The following ZNF330 variants were observed in gnomAD, a reference collection of about 807,000 sequenced individuals.
ZNF330 encodes the protein zinc finger protein 330.
In ZNF330, 31 loss-of-function variants were observed where a neutral mutation model predicts 45.5. The observed-to-expected ratio is 0.68, with a 90% CI of 0.51 to 0.92. The LOEUF (loss-of-function observed/expected upper bound fraction) is 0.92, where lower values mean the gene tolerates loss of function less well. ZNF330 is among the 40% of genes least tolerant of loss of function. The pLI, the probability that ZNF330 is intolerant of heterozygous loss-of-function variation, is 0.00. For synonymous variants in ZNF330, 138 were observed against 123.2 expected (o/e 1.12, Z -0.79); for missense variants, 356 against 387.4 (o/e 0.92, Z 0.68).
chr4:141,234,094 C>T lies in ZNF330; in HGVS notation c.*105C>T. The T allele has an allele frequency of 6.7e-7, 1 of 1,487,870 alleles. No individual in the cohort carries two copies. The highest frequency in any genetic ancestry group is 1.4e-5 in the South Asian group (1 of 71,134). 92.2% of individuals were successfully genotyped at this position (1,487,870 alleles called of 1,614,324 possible). A position where few individuals can be genotyped will look rare whatever the true frequency, so the allele number is the denominator to read the frequency against. On this transcript the variant is annotated 3_prime_UTR_variant, in exon 10 of 10. Transcript: ENST00000262990. ...AGTACCTTAGCCACTTAGCCTTGTGCAGAAGACTAGTTACACTTAATGGGC... is the reference window on the plus strand; with the variant it reads ...AGTACCTTAGCCACTTAGCCTTGTGTAGAAGACTAGTTACACTTAATGGGC...
Position 141,231,444 on chromosome 4 carries a change from T to C in ZNF330, c.529T>C (p.Ser177Pro). Reference sequence around the variant, plus strand: ...AATTAATCTATTTCCCACAGGTGTTTCATGCAATCGGCTTGGTCAGCACTC... The same window carrying C: ...AATTAATCTATTTCCCACAGGTGTTCCATGCAATCGGCTTGGTCAGCACTC... Reference protein sequence around the residue: ...VLEAETFKCVSCNRLGQHSCL... With the variant: ...VLEAETFKCVPCNRLGQHSCL... Residue 177 changes from serine to proline, a missense_variant, in exon 8 of 10, where the codon TCA (serine) becomes CCA (proline). By Grantham distance (74) the Ser-to-Pro change is moderately conservative. Coordinates refer to ENST00000262990, the MANE Select transcript of ZNF330 (RefSeq NM_014487.6). 1.3e-6 allele frequency: 2 copies of C among 1,597,590 alleles called. No homozygotes were observed. Among genetic ancestry groups the C allele is most frequent in the Non-Finnish European group, 8.5e-7 (1 of 1,174,204 alleles).
At position 141,232,582 on chromosome 4, in the gene ZNF330, C is replaced by T. The variant is rs1356828138; in HGVS notation, c.628C>T (p.Gln210Ter). Residue 210 changes from glutamine (Q) to a stop codon, truncating the protein, a stop_gained, in exon 9 of 10, where the codon CAG (glutamine) becomes TAG (stop). Coordinates refer to ENST00000262990, the MANE Select transcript of ZNF330 (RefSeq NM_014487.6). LOFTEE classifies it high-confidence loss of function. ...SKVFKQEKGK[Q>*]PPCPKCGHET... Reference sequence around the variant, plus strand: ...AGTGTTTAAGCAAGAAAAAGGAAAACAGCCTCCTTGTCCTAAATGTGGGCA... The same window carrying T: ...AGTGTTTAAGCAAGAAAAAGGAAAATAGCCTCCTTGTCCTAAATGTGGGCA... The T allele has an allele frequency of 6.2e-7, 1 of 1,600,276 alleles. No homozygotes were observed. The highest frequency in any genetic ancestry group is 1.3e-5 in the African/African-American group (1 of 74,408).
At chr4:141,233,683 C>G (rs779865949) in intron 9 of ZNF330, 32 bp from the exon 10 acceptor site, 67 of 1,578,918 alleles carry the variant, frequency 4.2e-5, no homozygotes, top group Non-Finnish European at 5.0e-5. Context: ...CTGGAACTAA[C>G]AAAATGCCTT....
At chr4:141,223,696 T>A in intron 2 of ZNF330, 3 of 454,606 alleles carry the variant, frequency 6.6e-6, no homozygotes, top group South Asian at 4.7e-5. Context: ...TCTGAATGAC[T>A]GGCATGCCTA....
At chr4:141,227,799 T>A (rs1728848357) in intron 5 of ZNF330, among the ~76,000 whole-genome samples, 1 of 152,128 alleles carries the variant, frequency 6.6e-6, no homozygotes, top group Non-Finnish European at 1.5e-5. Context: ...TCTTTAAAAC[T>A]TTACATTTCA....
chr4:141,225,380 A>G (rs1197482895), intron 4 of ZNF330, among the ~76,000 whole-genome samples: 2 of 151,990 alleles, frequency 1.3e-5, no homozygotes, highest in Non-Finnish European at 2.9e-5. Flanking sequence ...TACTGCATGC[A>G]TCCTCCTTTC....
In ZNF330 at chr4:141,233,915, G is replaced by C. The variant is rs1729019773; in HGVS notation, c.889G>C (p.Asp297His). ...AAAGGATTCAGATACTGAGTCATCA[G>C]ATTTGTTTACTAATTTGAATTTAGG... Reference protein sequence around the residue: ...GRKDSDTESSDLFTNLNLGRT... With the variant: ...GRKDSDTESSHLFTNLNLGRT... Residue 297 changes from aspartate to histidine, a missense_variant, in exon 10 of 10, where the codon GAT becomes CAT. Asp to His is a moderately conservative substitution (Grantham distance 81). Coordinates refer to ENST00000262990, the MANE Select transcript of ZNF330 (RefSeq NM_014487.6). 1 of 1,613,796 alleles carries C rather than the reference G, an allele frequency of 6.2e-7. No homozygotes were observed. The highest frequency in any genetic ancestry group is 1.3e-5 in the African/African-American group (1 of 75,024).
chr4:141,225,649 A>C lies in ZNF330; in HGVS notation c.211+972A>C, dbSNP rs546538659. Among the ~76,000 whole-genome samples the C allele has an allele frequency of 9.1e-4, 138 of 152,254 alleles. 1 individual carries two copies. The South Asian group carries it at 0.028, about 31-fold the overall frequency. On this transcript the variant is annotated intron_variant, in intron 4 of 9. Coordinates refer to ENST00000262990, the MANE Select transcript of ZNF330 (RefSeq NM_014487.6). ...TAGGGCTATATCCCTGAATATTTCT[A>C]ATGTAGTTCTAGCTTTCAAAGAAGA...
At chr4:141,227,502 T>C (rs1578810324) in intron 5 of ZNF330, among the ~76,000 whole-genome samples, 2 of 152,186 alleles carry the variant, frequency 1.3e-5, no homozygotes, top group South Asian at 4.1e-4. Context: ...TATTCCATGG[T>C]GTATATGTGC....
At chr4:141,224,861 G>A (rs1472629799) in intron 4 of ZNF330, among the ~76,000 whole-genome samples, 184 bp downstream of exon 4, 3 of 152,024 alleles carry the variant, frequency 2.0e-5, no homozygotes, top group East Asian at 1.9e-4. Flanking sequence ...CCTTGGTTTT[G>A]TCTCTTTGAT....
In ZNF330 at chr4:141,234,335, G is replaced by C. The variant is rs575258979; in HGVS notation, c.*346G>C. On this transcript the variant is annotated 3_prime_UTR_variant, in exon 10 of 10. Coordinates refer to ENST00000262990, the MANE Select transcript of ZNF330 (RefSeq NM_014487.6). The stretch of plus-strand genomic sequence containing the variant: ...TATATTTGTTTGAAATTAAATTACT[G>C]TTTTTATTAAAAAATACTGCTTCAT... 1 of 170,128 alleles carries C rather than the reference G, an allele frequency of 5.9e-6. No homozygotes were observed. The highest frequency in any genetic ancestry group is 6.3e-5 in the Admixed American group (1 of 15,956). The allele number at this position is 170,128 out of a possible 1,614,324, so 10.5% of individuals were successfully genotyped here. A position where few individuals can be genotyped will look rare whatever the true frequency, so the allele number is the denominator to read the frequency against.
At chr4:141,229,075 AAAG>A (rs1332017910) in intron 5 of ZNF330, among the ~76,000 whole-genome samples, 1 of 152,146 alleles carries the variant, frequency 6.6e-6, no homozygotes. Context: ...TAAGAGAAAA[AAAG>A]AAGCTGGCAG....
In ZNF330 at chr4:141,232,605, G is replaced by T. The variant is rs757137988; in HGVS notation, c.651G>T (p.Gly217=). ...KGKQPPCPKC[G]HETQETKDLS... The stretch of plus-strand genomic sequence containing the variant: ...AACAGCCTCCTTGTCCTAAATGTGG[G>T]CATGAAACTCAGGAGACTAAGGACC... The change falls in exon 9 of 10, where the codon GGG becomes GGT. Residue 217 remains glycine (G), a synonymous_variant. Transcript: ENST00000262990. 1.3e-6 allele frequency: 2 copies of T among 1,593,066 alleles called. No individual in the cohort carries two copies. The highest frequency in any genetic ancestry group is 1.7e-6 in the Non-Finnish European group (2 of 1,169,736).
intron 7 of ZNF330, among the ~76,000 whole-genome samples, chr4:141,230,535 C>T (rs148032269): frequency 2.0e-4 from 31 of 152,198 alleles, no homozygotes; most frequent in Admixed American, 1.9e-3. Flanking sequence ...TTACACCTTT[C>T]GTGGTTCAGA....
chr4:141,221,354 T>C (rs1238530439), intron 1 of ZNF330, among the ~76,000 whole-genome samples: 2 of 152,178 alleles, frequency 1.3e-5, no homozygotes, highest in Non-Finnish European at 2.9e-5. Flanking sequence ...AGAAGAAGAT[T>C]CACTCTTTTG....
intron 6 of ZNF330, 108 bp downstream of exon 6, chr4:141,229,805 T>A: frequency 7.4e-7 from 1 of 1,357,272 alleles, no homozygotes; most frequent in Non-Finnish European, 1.0e-6. Flanking sequence ...CAATCCTAAC[T>A]ACTGGTACTG....
intron 4 of ZNF330, among the ~76,000 whole-genome samples, chr4:141,225,068 C>A (rs1403810536): frequency 2.6e-5 from 4 of 151,996 alleles, no homozygotes; most frequent in African/African-American, 9.7e-5. Context: ...GTGTGTTAGA[C>A]CATTGGGAAT....
intron 7 of ZNF330, 54 bp from the exon 8 acceptor site, chr4:141,231,385 A>G: frequency 1.3e-6 from 2 of 1,520,832 alleles, no homozygotes; most frequent in African/African-American, 1.4e-5. Context: ...AAAAGACAAA[A>G]GAAAATTCTA....
intron 2 of ZNF330, among the ~76,000 whole-genome samples, chr4:141,223,195 A>T (rs560529749): frequency 6.6e-6 from 1 of 152,232 alleles, no homozygotes; most frequent in African/African-American, 2.4e-5. Context: ...GTAGTGATAC[A>T]TAGATGAATT....
Sources: allele counts gnomAD v4.1 joint callset (sites outside exome capture counted in the v4.1 genomes callset), GRCh38; gene constraint gnomAD v4.1.1; transcripts MANE v1.5; gene names NCBI Gene and HGNC (gene_info 2026-07-23, HGNC 2026-07-21).